The following FKBP5 variants were observed in gnomAD, a reference collection of about 807,000 sequenced individuals.
FKBP5 encodes FKBP prolyl isomerase 5.
FKBP5 carries 23 observed loss-of-function variants against 50.5 expected under a neutral mutation model. That is an observed-to-expected ratio of 0.46 (90% CI 0.33 to 0.65). The LOEUF (loss-of-function observed/expected upper bound fraction) is 0.65, where lower values mean the gene tolerates loss of function less well. Among genes scored for constraint, FKBP5 ranks in the 30% least tolerant of loss-of-function variants. The probability of loss-of-function intolerance (pLI) is 0.02; values close to 1 mark genes in which losing one functional copy is unlikely to be tolerated. For synonymous variants in FKBP5, 176 were observed against 190.6 expected (o/e 0.92, Z 0.63); for missense variants, 411 against 553.1 (o/e 0.74, Z 2.58).
At chr6:35,623,443 A>T (rs1160530131) in intron 3 of FKBP5, among the ~76,000 whole-genome samples, 1 of 152,230 alleles carries the variant, frequency 6.6e-6, no homozygotes, top group Non-Finnish European at 1.5e-5. Flanking sequence ...TAATGAGACT[A>T]CTTGTCCATG....
At chr6:35,656,752 C>T (rs1047223751) in intron 1 of FKBP5, among the ~76,000 whole-genome samples, 1 of 151,972 alleles carries the variant, frequency 6.6e-6, no homozygotes, top group African/African-American at 2.4e-5. Flanking sequence ...CAAAATTTAG[C>T]AGGGCATGGT....
upstream of FKBP5, among the ~76,000 whole-genome samples, chr6:35,690,728 A>G (rs113297827): frequency 2.5e-3 from 379 of 152,240 alleles, 2 homozygotes; most frequent in African/African-American, 8.9e-3. Context: ...CATATTAGGC[A>G]GGGCACAGTG....
At chr6:35,722,858 C>A (rs1693003776) in intron 1 of FKBP5, among the ~76,000 whole-genome samples, 1 of 152,194 alleles carries the variant, frequency 6.6e-6, no homozygotes, top group African/African-American at 2.4e-5. Context: ...TCCAAGTAGC[C>A]CATAGGAGGG....
intron 7 of FKBP5, 88 bp from the exon 8 acceptor site, chr6:35,587,205 A>C (rs1762628149): frequency 8.5e-7 from 1 of 1,175,636 alleles, no homozygotes; most frequent in Non-Finnish European, 1.3e-6. Context: ...CTAATTCTAG[A>C]AGATACTCCA....
chr6:35,587,689 G>A (rs1762644876), intron 7 of FKBP5, among the ~76,000 whole-genome samples: 1 of 152,208 alleles, frequency 6.6e-6, no homozygotes, highest in Non-Finnish European at 1.5e-5. Context: ...ATAATTGGGA[G>A]TAAAGCTCAT....
chr6:35,688,982 G>C (rs977909862), upstream of FKBP5: 1 of 151,784 alleles, frequency 6.6e-6, no homozygotes, highest in African/African-American at 2.4e-5. Flanking sequence ...CCAGCCGGCC[G>C]CAGGACCCGC....
intron 1 of FKBP5, among the ~76,000 whole-genome samples, chr6:35,643,280 A>G (rs1764545110): frequency 6.6e-6 from 1 of 152,194 alleles, no homozygotes; most frequent in South Asian, 2.1e-4. Context: ...AACAGACCCA[A>G]GTCTGGGTCC....
intron 2 of FKBP5, among the ~76,000 whole-genome samples, chr6:35,706,261 T>C (rs1032549224): frequency 1.3e-5 from 2 of 151,412 alleles, no homozygotes; most frequent in Admixed American, 6.6e-5. Flanking sequence ...CTGTCTCTAC[T>C]AACAATACAA....
At chr6:35,648,747 G>A (rs192049630) in intron 1 of FKBP5, among the ~76,000 whole-genome samples, 1 of 152,168 alleles carries the variant, frequency 6.6e-6, no homozygotes, top group African/African-American at 2.4e-5. Flanking sequence ...TCAGGAGTTT[G>A]AGACAAGCCT....
chr6:35,657,171 C>T (rs372099880), intron 1 of FKBP5, among the ~76,000 whole-genome samples: 2 of 149,726 alleles, frequency 1.3e-5, no homozygotes, highest in South Asian at 2.1e-4. Flanking sequence ...GCTGAGATCG[C>T]GCCACTGCAC....
At chr6:35,600,535 AC>A (rs546903482) in intron 5 of FKBP5, among the ~76,000 whole-genome samples, 34 of 104,124 alleles carry the variant, frequency 3.3e-4, no homozygotes, top group African/African-American at 1.1e-3. Context: ...GACTAATAAC[AC>A]TTTTCATAAA....
chr6:35,693,389 G>A (rs560878907), upstream of FKBP5, among the ~76,000 whole-genome samples: 154 of 151,244 alleles, frequency 1.0e-3, no homozygotes, highest in Non-Finnish European at 1.8e-3. Context: ...GGTCTCAATC[G>A]CCTGACCTCC....
At chr6:35,701,219 GTTTGTTTGTTTTTGTTTTTTGTTTT>G (rs1766177283) in intron 2 of FKBP5, among the ~76,000 whole-genome samples, 2 of 92,950 alleles carry the variant, frequency 2.2e-5, no homozygotes, top group African/African-American at 9.9e-5. Flanking sequence ...TTGTTTGTTT[GTTTGTTTGTTTTTGTTTTTTGTTTT>G]TTTGTTTTTT....
chr6:35,653,852 C>A (rs879470011), intron 1 of FKBP5, among the ~76,000 whole-genome samples: 1 of 151,944 alleles, frequency 6.6e-6, no homozygotes, highest in Non-Finnish European at 1.5e-5. Context: ...TCTTTTGACT[C>A]CAGCTCTTTA....
At chr6:35,712,030 C>T (rs1766422595) in intron 2 of FKBP5, among the ~76,000 whole-genome samples, 1 of 136,160 alleles carries the variant, frequency 7.3e-6, no homozygotes, top group Non-Finnish European at 1.5e-5. Flanking sequence ...TGTACAATCG[C>T]ACTGGGCTAA....
intron 1 of FKBP5, among the ~76,000 whole-genome samples, chr6:35,670,236 G>A (rs1402027443): frequency 6.6e-6 from 1 of 152,100 alleles, no homozygotes; most frequent in African/African-American, 2.4e-5. Context: ...CATGAATCAT[G>A]ATTCACGATT....
chr6:35,621,620 A>G (rs1221850237), intron 3 of FKBP5, among the ~76,000 whole-genome samples: 3 of 140,258 alleles, frequency 2.1e-5, no homozygotes, highest in East Asian at 2.1e-4. Flanking sequence ...TCTGTCTCCA[A>G]AAAAAAAAAA....
At chr6:35,700,011 C>T (rs541480058) in intron 2 of FKBP5, among the ~76,000 whole-genome samples, 1 of 152,072 alleles carries the variant, frequency 6.6e-6, no homozygotes, top group South Asian at 2.1e-4. Context: ...TGCGCCACTG[C>T]ACTCCAGTCT....
intron 2 of FKBP5, among the ~76,000 whole-genome samples, chr6:35,714,864 G>A (rs372509475): frequency 6.6e-6 from 1 of 151,624 alleles, no homozygotes; most frequent in East Asian, 1.9e-4. Flanking sequence ...TAGGTTTAGC[G>A]TGGCAGATGT....
Sources: gnomAD v4.1 joint callset for allele counts (sites outside exome capture counted in the v4.1 genomes callset) on GRCh38, gnomAD v4.1.1 for gene constraint, MANE v1.5 for transcripts, NCBI Gene and HGNC (gene_info 2026-07-23, HGNC 2026-07-21) for gene names.